The following MYO9A variants were observed in gnomAD, a reference collection of about 807,000 sequenced individuals.
MYO9A encodes myosin IXA.
MYO9A carries 103 observed loss-of-function variants against 293.3 expected under a neutral mutation model. The observed-to-expected ratio is 0.35, with a 90% CI of 0.30 to 0.41. The LOEUF is 0.41. Among genes scored for constraint, MYO9A ranks in the 10% least tolerant of loss-of-function variants. The pLI, the probability that MYO9A is intolerant of heterozygous loss-of-function variation, is 1.00. For synonymous variants in MYO9A, 1,001 were observed against 1,035.7 expected (o/e 0.97, Z 0.64); for missense variants, 2,685 against 3,033.0 (o/e 0.89, Z 2.69).
chr15:71,954,849 C>T (rs11072339), intron 14 of MYO9A, among the ~76,000 whole-genome samples: 29,703 of 152,102 alleles, frequency 0.2, 3,173 homozygotes, highest in East Asian at 0.41. Flanking sequence ...TCATTCAGAC[C>T]TTAGGCAATA....
chr15:71,998,550 C>CTTTT (rs765185033), intron 9 of MYO9A, among the ~76,000 whole-genome samples: 1 of 106,190 alleles, frequency 9.4e-6, no homozygotes, highest in Non-Finnish European at 1.8e-5. Context: ...ATTTGGCTTT[C>CTTTT]TTTTTTTTTT....
At chr15:72,080,023 T>G (rs1451631408) in intron 1 of MYO9A, among the ~76,000 whole-genome samples, 1 of 152,232 alleles carries the variant, frequency 6.6e-6, no homozygotes, top group East Asian at 1.9e-4. Flanking sequence ...TATTATCTGC[T>G]GATTCTTAGT....
intron 26 of MYO9A, chr15:71,893,323 G>T: frequency 1.8e-6 from 1 of 555,734 alleles, no homozygotes; most frequent in South Asian, 2.0e-5. Context: ...ACTAGCAGAA[G>T]TGACAGGGAT....
rs2054463753 is a variant in MYO9A at position 71,825,924 on chromosome 15, T to C, written c.*656A>G. 6.6e-6 allele frequency: 1 copy of C among 152,008 alleles called. No individual in the cohort carries two copies. Among genetic ancestry groups the C allele is most frequent in the Non-Finnish European group, 1.5e-5 (1 of 68,018 alleles). 9.4% of individuals were successfully genotyped at this position (152,008 alleles called of 1,614,324 possible). Reference sequence around the variant, plus strand: ...ATCATCAAAAAAAATAGGTATTCTCTTCTTCACTGTATAACAAGATATCTG... The same window carrying C: ...ATCATCAAAAAAAATAGGTATTCTCCTCTTCACTGTATAACAAGATATCTG... On this transcript the variant is annotated 3_prime_UTR_variant, in exon 42 of 42. Transcript: ENST00000356056.
At chr15:72,056,224 T>C (rs923667682) in intron 1 of MYO9A, among the ~76,000 whole-genome samples, 5 of 152,170 alleles carry the variant, frequency 3.3e-5, no homozygotes, top group African/African-American at 1.2e-4. Flanking sequence ...TATCACCCAG[T>C]TGCCACTACT....
chr15:72,079,080 T>G (rs1046315609), intron 1 of MYO9A, among the ~76,000 whole-genome samples: 3 of 152,208 alleles, frequency 2.0e-5, no homozygotes, highest in African/African-American at 7.2e-5. Context: ...CCACAGGATG[T>G]AGGACACAGA....
At chr15:71,951,953 A>G (rs2059063012) in intron 14 of MYO9A, 57 bp from the exon 15 acceptor site, 9 of 1,524,064 alleles carry the variant, frequency 5.9e-6, no homozygotes, top group Middle Eastern at 1.8e-4. Flanking sequence ...AAGACATTAT[A>G]TAAGCCCAAA....
intron 18 of MYO9A, among the ~76,000 whole-genome samples, chr15:71,918,195 A>G (rs1311330196): frequency 2.0e-5 from 3 of 152,206 alleles, no homozygotes; most frequent in Non-Finnish European, 4.4e-5. Context: ...GCCAGTATTC[A>G]TGAGGTGGTG....
At position 72,021,105 on chromosome 15, in the gene MYO9A, G is replaced by A. The variant is rs542842662; in HGVS notation, c.999-88C>T. 2.5e-5 allele frequency: 19 copies of A among 749,002 alleles called. 1 individual carries two copies. The highest frequency in any genetic ancestry group is 3.4e-5 in the Non-Finnish European group (16 of 466,390). The allele number at this position is 749,002 out of a possible 1,614,324, so 46.4% of individuals were successfully genotyped here. ...GGAGGGGGGAAGCAAACAGTAATTA[G>A]TAAAATGTATCAGCTTTGCTTCATT... On this transcript the variant is annotated intron_variant, in intron 4 of 41. Coordinates refer to ENST00000356056, the MANE Select transcript of MYO9A (RefSeq NM_006901.4).
chr15:71,853,809 CAAG>C (rs1302022135), intron 35 of MYO9A, among the ~76,000 whole-genome samples: 1 of 152,016 alleles, frequency 6.6e-6, no homozygotes, highest in Non-Finnish European at 1.5e-5. Context: ...TGTAGGCAGG[CAAG>C]AAGATGATAC....
intron 12 of MYO9A, among the ~76,000 whole-genome samples, chr15:71,972,830 C>T (rs1399824906): frequency 6.6e-6 from 1 of 152,020 alleles, no homozygotes; most frequent in African/African-American, 2.4e-5. Context: ...GGTATGAAGC[C>T]ATAGCTGCTA....
rs1359295678 is a variant in MYO9A at position 72,117,940 on chromosome 15, C to T, written c.-332G>A. ...CCCGCCCAGAGAGCACGCGTTGGAC[C>T]GCCGCCTCAACCGCTGCCAGCGGCC... On this transcript the variant is annotated 5_prime_UTR_variant, in exon 1 of 42. Transcript: ENST00000356056. 5.0e-6 allele frequency: 2 copies of T among 401,254 alleles called. No individual in the cohort carries two copies. The highest frequency in any genetic ancestry group is 4.4e-5 in the Admixed American group (1 of 22,726). The allele number at this position is 401,254 out of a possible 1,614,324, so 24.9% of individuals were successfully genotyped here. A position where few individuals can be genotyped will look rare whatever the true frequency, so the allele number is the denominator to read the frequency against.
At chr15:71,848,207 A>G (rs1327232713) in intron 39 of MYO9A, among the ~76,000 whole-genome samples, 5 of 151,256 alleles carry the variant, frequency 3.3e-5, no homozygotes, top group Admixed American at 6.6e-5. Context: ...CCACTAATCA[A>G]TAAGGCTGAA....
intron 39 of MYO9A, among the ~76,000 whole-genome samples, chr15:71,832,995 A>G (rs73432492): frequency 0.024 from 3,704 of 152,180 alleles, 148 homozygotes; most frequent in African/African-American, 0.086. Context: ...AAAAGAGTAA[A>G]ACTTCCAAAC....
chr15:72,046,061 T>C lies in MYO9A; in HGVS notation c.503A>G (p.Asn168Ser). The change falls in exon 2 of 42, where the codon AAT becomes AGT. Residue 168 changes from asparagine (N) to serine (S), a missense_variant. Around this residue, in one of 10 missense-constraint regions of MYO9A, gnomAD observed 289 missense variants for 456.8 expected, o/e 0.63. Transcript: ENST00000356056. ...ATAAATTTTTTCATGCTTAAAGCGA[T>C]TTCGTAGGTTTTCTAAGAGAGTTTT... ...NEKTLLENLRNRFKHEKIYTY... is the reference protein window; with the variant it reads ...NEKTLLENLRSRFKHEKIYTY... 1 of 1,613,548 alleles carries C rather than the reference T, an allele frequency of 6.2e-7. No homozygotes were observed. The highest frequency in any genetic ancestry group is 8.5e-7 in the Non-Finnish European group (1 of 1,179,842).
At chr15:71,853,480 A>G (rs2055740420) in intron 35 of MYO9A, among the ~76,000 whole-genome samples, 2 of 152,210 alleles carry the variant, frequency 1.3e-5, no homozygotes. Context: ...AACTGCCTGT[A>G]AACCAAAGTA....
intron 1 of MYO9A, among the ~76,000 whole-genome samples, chr15:72,111,324 T>C (rs966911920): frequency 1.6e-4 from 24 of 149,546 alleles, no homozygotes; most frequent in African/African-American, 5.7e-4. Flanking sequence ...ATCCTGTCTC[T>C]ACTAAAAATA....
chr15:71,960,147 A>C, intron 13 of MYO9A, 51 bp from the exon 14 acceptor site: 1 of 1,518,920 alleles, frequency 6.6e-7, no homozygotes, highest in Non-Finnish European at 9.1e-7. Flanking sequence ...AATTATGAAA[A>C]ACAAGATGAC....
chr15:72,027,481 G>A (rs2077708168), intron 4 of MYO9A, among the ~76,000 whole-genome samples: 1 of 152,162 alleles, frequency 6.6e-6, no homozygotes, highest in African/African-American at 2.4e-5. Flanking sequence ...TGCTCACCAA[G>A]AGGAATGAGG....
Sources: gnomAD v4.1 joint callset for allele counts (sites outside exome capture counted in the v4.1 genomes callset) on GRCh38, gnomAD v4.1.1 for gene constraint, gnomAD v4.1.1 regional missense constraint, MANE v1.5 for transcripts, NCBI Gene and HGNC (gene_info 2026-07-23, HGNC 2026-07-21) for gene names.